Variants in IMPG1 observed in about 807,000 individuals in gnomAD.
IMPG1 encodes the protein interphotoreceptor matrix proteoglycan of 150 kDa.
IMPG1 carries 85 observed loss-of-function variants against 92.0 expected under a neutral mutation model. The observed-to-expected ratio is 0.92, with a 90% confidence interval of 0.78 to 1.11. The LOEUF is 1.11. IMPG1 is among the 50% of genes least tolerant of loss of function. The pLI is 0.00. For missense variants in IMPG1, 1,022 were observed against 956.0 expected (o/e 1.07, Z -0.91); for synonymous variants, 367 against 334.1 (o/e 1.10, Z -1.08).
chr6:76,065,404 T>C (rs951925956), intron 1 of IMPG1, among the ~76,000 whole-genome samples: 2 of 152,096 alleles, frequency 1.3e-5, no homozygotes, highest in African/African-American at 4.8e-5. Context: ...CCTGATAGGA[T>C]GTCTGCAAAT....
intron 1 of IMPG1, among the ~76,000 whole-genome samples, chr6:76,062,084 G>A (rs1784216445): frequency 6.6e-6 from 1 of 152,104 alleles, no homozygotes; most frequent in African/African-American, 2.4e-5. Flanking sequence ...TAAGCATTCT[G>A]TAGAATCAAA....
chr6:75,950,839 AC>A lies in IMPG1; in HGVS notation c.1546del (p.Val516SerfsTer4). Reference sequence around the variant, plus strand: ...CAGATCCATTTCATCTAGGTGTCTGACCATATCTTCGCCACCTGCACTTGAT... The same window carrying A: ...CAGATCCATTTCATCTAGGTGTCTGACATATCTTCGCCACCTGCACTTGAT... The part of the protein sequence containing the change: ...SRSSAGGEDM[V>X]RHLDEMDLSD... On this transcript the variant is annotated frameshift_variant, in exon 13 of 17. Transcript: ENST00000369950. LOFTEE classifies it high-confidence loss of function. 1 of 1,613,932 alleles carries A rather than the reference AC, an allele frequency of 6.2e-7. No homozygotes were observed. Among genetic ancestry groups the A allele is most frequent in the South Asian group, 1.1e-5 (1 of 91,076 alleles).
At chr6:75,973,239 C>CA (rs1782451439) in intron 12 of IMPG1, among the ~76,000 whole-genome samples, 1 of 152,168 alleles carries the variant, frequency 6.6e-6, no homozygotes, top group Admixed American at 6.5e-5. Flanking sequence ...TTCGGCCTCC[C>CA]AAAGTGTCCG....
At chr6:75,980,684 C>T (rs1185622455) in intron 12 of IMPG1, among the ~76,000 whole-genome samples, 2 of 152,146 alleles carry the variant, frequency 1.3e-5, no homozygotes, top group African/African-American at 2.4e-5. Context: ...GGCTCTCAGG[C>T]CTTTGGCCAC....
chr6:75,924,481 A>G lies in IMPG1; in HGVS notation c.2244-775T>C, dbSNP rs1388676447. ...TTATATAATATAAATATAATTATATATTATAATATAATATAATTATATAAT... is the reference window on the plus strand; with the variant it reads ...TTATATAATATAAATATAATTATATGTTATAATATAATATAATTATATAAT... On this transcript the variant is annotated intron_variant, in intron 15 of 16. Transcript: ENST00000369950. Among the ~76,000 whole-genome samples, 29 of 98,736 alleles carry G rather than the reference A, an allele frequency of 2.9e-4. 1 individual carries two copies. In the South Asian group the frequency reaches 7.0e-3, roughly 24 times the overall value. The allele number at this position is 98,736 out of a possible 152,430, so 64.8% of individuals were successfully genotyped here. A position where few individuals can be genotyped will look rare whatever the true frequency, so the allele number is the denominator to read the frequency against.
intron 12 of IMPG1, among the ~76,000 whole-genome samples, chr6:75,975,954 AT>A (rs914005010): frequency 2.6e-5 from 4 of 152,058 alleles, no homozygotes; most frequent in Non-Finnish European, 5.9e-5. Flanking sequence ...AATACTTTTG[AT>A]TTTTTGGAAC....
rs1781842394 is a variant in IMPG1 at position 75,941,965 on chromosome 6, TG to T, written c.2044+5348del. ...GGGTAGGGCTGGTGTTTCTGGAGGC[TG>T]GGGGGACACTGGACCTGAGGTGGGA... On this transcript the variant is annotated intron_variant, in intron 14 of 16. Transcript: ENST00000369950. Among the ~76,000 whole-genome samples, 3 of 152,096 alleles carry T rather than the reference TG, an allele frequency of 2.0e-5. No homozygotes were observed. The South Asian group carries it at 6.2e-4, about 31-fold the overall frequency.
chr6:76,004,280 T>A (rs574554330), intron 10 of IMPG1, among the ~76,000 whole-genome samples: 2 of 152,160 alleles, frequency 1.3e-5, no homozygotes, highest in African/African-American at 4.8e-5. Flanking sequence ...ACTAAACTGA[T>A]AAGAAACAAA....
At chr6:76,018,943 C>A in intron 6 of IMPG1, 85 bp from the exon 7 acceptor site, 1 of 1,256,588 alleles carries the variant, frequency 8.0e-7, no homozygotes, top group South Asian at 1.7e-5. Context: ...TTGATACTGT[C>A]TCAAGAAGTG....
intron 1 of IMPG1, among the ~76,000 whole-genome samples, chr6:76,046,373 G>C (rs919075457): frequency 8.5e-5 from 13 of 152,064 alleles, no homozygotes; most frequent in African/African-American, 3.1e-4. Flanking sequence ...TAAGCCAATA[G>C]GTTTTGGAAA....
Position 76,047,818 on chromosome 6 carries a change from T to C in IMPG1, c.68-5692A>G, listed in dbSNP as rs1414097368. On this transcript the variant is annotated intron_variant, in intron 1 of 16. Coordinates refer to ENST00000369950, the MANE Select transcript of IMPG1 (RefSeq NM_001563.4). ...TGCCCGCATCCATTATTGCAACTCC[T>C]CTTTGAAATTTCTGTCCTCTTTTTA... Among the ~76,000 whole-genome samples the C allele has an allele frequency of 2.0e-5, 3 of 152,224 alleles. No homozygotes were observed. In the East Asian group the frequency reaches 5.8e-4, roughly 29 times the overall value.
intron 12 of IMPG1, among the ~76,000 whole-genome samples, chr6:75,974,453 T>TTCCTTCC (rs1782499960): frequency 9.9e-6 from 1 of 101,362 alleles, no homozygotes; most frequent in African/African-American, 3.3e-5. Context: ...TCCTTCCTTC[T>TTCCTTCC]TTCTTCTTTC....
At chr6:76,023,719 T>C (rs994796635) in intron 5 of IMPG1, among the ~76,000 whole-genome samples, 2 of 152,150 alleles carry the variant, frequency 1.3e-5, no homozygotes, top group Admixed American at 1.3e-4. Context: ...TTATAATATA[T>C]GAATTGTCCA....
intron 14 of IMPG1, among the ~76,000 whole-genome samples, chr6:75,943,665 C>T (rs1029956903): frequency 1.3e-5 from 2 of 152,232 alleles, no homozygotes; most frequent in African/African-American, 4.8e-5. Flanking sequence ...AGCCCTGGAC[C>T]TTAGTGGCTG....
chr6:75,926,749 AAGTT>A (rs1299025326), intron 15 of IMPG1, among the ~76,000 whole-genome samples: 1 of 152,236 alleles, frequency 6.6e-6, no homozygotes. Context: ...AGTTTGAAGT[AAGTT>A]CCTAGCATGG....
chr6:76,020,723 G>T (rs947277874), intron 6 of IMPG1, among the ~76,000 whole-genome samples: 6 of 152,138 alleles, frequency 3.9e-5, no homozygotes, highest in African/African-American at 1.4e-4. Flanking sequence ...ACTAAGCTCT[G>T]AGTTTTTCTT....
chr6:76,045,436 T>C (rs1046087266), intron 1 of IMPG1, among the ~76,000 whole-genome samples: 1 of 131,928 alleles, frequency 7.6e-6, no homozygotes, highest in African/African-American at 2.7e-5. Context: ...ACAAACAACC[T>C]CCATCTTTTT....
intron 8 of IMPG1, 112 bp from the exon 9 acceptor site, chr6:76,007,612 C>T (rs1783120056): frequency 2.9e-6 from 2 of 694,222 alleles, no homozygotes; most frequent in Non-Finnish European, 4.6e-6. Flanking sequence ...TATTTCTTTC[C>T]ATTGTCTCTT....
chr6:76,019,278 C>G (rs1351179290), intron 6 of IMPG1, among the ~76,000 whole-genome samples: 1 of 152,150 alleles, frequency 6.6e-6, no homozygotes, highest in Non-Finnish European at 1.5e-5. Context: ...TTCATATGGG[C>G]TTCCAGGACA....
Sources: gnomAD v4.1 joint callset for allele counts (sites outside exome capture counted in the v4.1 genomes callset) on GRCh38, gnomAD v4.1.1 for gene constraint, MANE v1.5 for transcripts, NCBI Gene and HGNC (gene_info 2026-07-23, HGNC 2026-07-21) for gene names.